Variants in FOXO3 observed in about 807,000 individuals in gnomAD.
The protein encoded by FOXO3 is forkhead box O3.
Under a neutral mutation model 41.9 loss-of-function variants are expected in FOXO3, and 4 were observed. The observed-to-expected ratio is 0.10, with a 90% confidence interval of 0.05 to 0.22. FOXO3 has a LOEUF of 0.22. Among genes scored for constraint, FOXO3 ranks in the 10% least tolerant of loss-of-function variants. The pLI is 1.00. For synonymous variants in FOXO3, 318 were observed against 389.3 expected (o/e 0.82, Z 2.16); for missense variants, 534 against 906.8 (o/e 0.59, Z 5.28).
intron 1 of FOXO3, among the ~76,000 whole-genome samples, chr6:108,636,712 A>G (rs907552476): frequency 3.3e-5 from 5 of 152,072 alleles, no homozygotes; most frequent in African/African-American, 1.2e-4. Context: ...AGAATAAGGG[A>G]CCTTCCTTTG....
intron 1 of FOXO3, among the ~76,000 whole-genome samples, chr6:108,624,312 TAA>T: frequency 7.0e-6 from 1 of 142,260 alleles, no homozygotes; most frequent in East Asian, 2.0e-4. Flanking sequence ...GAATAATGGT[TAA>T]AAAAAAAAAA....
intron 1 of FOXO3, among the ~76,000 whole-genome samples, chr6:108,562,769 G>A (rs1313354695): frequency 1.3e-5 from 2 of 152,204 alleles, no homozygotes; most frequent in East Asian, 3.9e-4. Context: ...GGTAGGGAGA[G>A]AGGTGTGGAA....
At chr6:108,598,838 A>G (rs1337315315) in intron 1 of FOXO3, among the ~76,000 whole-genome samples, 1 of 152,092 alleles carries the variant, frequency 6.6e-6, no homozygotes, top group Non-Finnish European at 1.5e-5. Flanking sequence ...TAACTCCTTG[A>G]CCTGGTGGTC....
chr6:108,647,672 C>T (rs187406783), intron 1 of FOXO3, among the ~76,000 whole-genome samples: 8 of 152,242 alleles, frequency 5.3e-5, no homozygotes. Flanking sequence ...TGTCCGTGAA[C>T]ACCATAGTGA....
intron 1 of FOXO3, among the ~76,000 whole-genome samples, chr6:108,650,929 A>G (rs1232003487): frequency 6.6e-6 from 1 of 152,172 alleles, no homozygotes; most frequent in African/African-American, 2.4e-5. Flanking sequence ...AGCATTTCAT[A>G]ATACCATTAT....
At chr6:108,593,195 C>T (rs1367667841) in intron 1 of FOXO3, among the ~76,000 whole-genome samples, 2 of 151,960 alleles carry the variant, frequency 1.3e-5, no homozygotes, top group Admixed American at 1.3e-4. Flanking sequence ...ACAAGATGTT[C>T]TTTTATTTCC....
chr6:108,618,269 G>A (rs1435602999), intron 1 of FOXO3: 3 of 752,970 alleles, frequency 4.0e-6, no homozygotes, highest in African/African-American at 3.4e-5. Context: ...TCCTTCCTGG[G>A]GCTTTTTGTC....
In FOXO3 at chr6:108,571,773, T is replaced by C. The variant is rs544014296; in HGVS notation, c.621+9944T>C. ...TGAGAAAGAATGAATTTTTGTTGTT[T>C]TAAGCCCTGAAATTCATGGTAATTC... On this transcript the variant is annotated intron_variant, in intron 1 of 2. Transcript: ENST00000406360. Among the ~76,000 whole-genome samples the C allele has an allele frequency of 2.6e-5, 4 of 152,312 alleles. No individual in the cohort carries two copies. The East Asian group carries it at 5.8e-4, about 22-fold the overall frequency.
In FOXO3 at chr6:108,561,148, C is replaced by G. The variant is rs897186339; in HGVS notation, c.-61C>G. 3 of 1,492,006 alleles carry G rather than the reference C, an allele frequency of 2.0e-6. No homozygotes were observed. The highest frequency in any genetic ancestry group is 4.3e-5 in the Admixed American group (2 of 46,196). 92.4% of individuals were successfully genotyped at this position (1,492,006 alleles called of 1,614,324 possible). A position where few individuals can be genotyped will look rare whatever the true frequency, so the allele number is the denominator to read the frequency against. ...GCGTCCACGTCCCTCCCCCGCTGCA[C>G]CCCGCCCCGGCGCGAGAGGAGAGCG... On this transcript the variant is annotated 5_prime_UTR_variant, in exon 1 of 3. Transcript: ENST00000406360.
intron 1 of FOXO3, among the ~76,000 whole-genome samples, chr6:108,579,121 C>G (rs888790217): frequency 5.3e-5 from 8 of 152,066 alleles, no homozygotes; most frequent in African/African-American, 1.7e-4. Flanking sequence ...GCCTGAGATT[C>G]ATAAACACTA....
chr6:108,572,724 C>T (rs1562228839), intron 1 of FOXO3, among the ~76,000 whole-genome samples: 1 of 152,112 alleles, frequency 6.6e-6, no homozygotes, highest in East Asian at 1.9e-4. Flanking sequence ...CCTATTTATA[C>T]TAATAATGAC....
chr6:108,681,751 A>G lies in FOXO3; in HGVS notation c.*1959A>G, dbSNP rs1456099720. On this transcript the variant is annotated 3_prime_UTR_variant, in exon 3 of 3. Transcript: ENST00000406360. ...TGTTTATAATCTTCATTTTTAAAGT[A>G]TGTGTAATTTTTTTAAGTATGTATT... 6.6e-6 allele frequency: 1 copy of G among 152,532 alleles called. No individual in the cohort carries two copies. Among genetic ancestry groups the G allele is most frequent in the Non-Finnish European group, 1.5e-5 (1 of 68,050 alleles). 9.4% of individuals were successfully genotyped at this position (152,532 alleles called of 1,614,324 possible). A position where few individuals can be genotyped will look rare whatever the true frequency, so the allele number is the denominator to read the frequency against.
At chr6:108,678,876 T>TC (rs1291854991) in intron 2 of FOXO3, among the ~76,000 whole-genome samples, 1 of 80,004 alleles carries the variant, frequency 1.2e-5, no homozygotes, top group Non-Finnish European at 3.5e-5. Context: ...ATTCTTTTTT[T>TC]TTTTTTTTTT....
intron 1 of FOXO3, among the ~76,000 whole-genome samples, chr6:108,593,543 C>T (rs946293861): frequency 6.6e-6 from 1 of 150,666 alleles, no homozygotes; most frequent in Non-Finnish European, 1.5e-5. Context: ...ATACCCAGCT[C>T]ATTTTTATAT....
At chr6:108,628,754 C>G (rs1271719626) in intron 1 of FOXO3, among the ~76,000 whole-genome samples, 1 of 152,124 alleles carries the variant, frequency 6.6e-6, no homozygotes, top group Non-Finnish European at 1.5e-5. Flanking sequence ...AGACAGTACT[C>G]TACCCTGGGA....
intron 1 of FOXO3, among the ~76,000 whole-genome samples, chr6:108,626,591 G>A (rs1384141397): frequency 6.8e-6 from 1 of 147,730 alleles, no homozygotes; most frequent in Non-Finnish European, 1.5e-5. Context: ...AGATTATTTT[G>A]TTTCCAAGAA....
At chr6:108,562,028 G>A (rs970616584) in intron 1 of FOXO3, among the ~76,000 whole-genome samples, 199 bp downstream of exon 1, 1 of 152,106 alleles carries the variant, frequency 6.6e-6, no homozygotes, top group African/African-American at 2.4e-5. Flanking sequence ...GGGTGAATGA[G>A]GCTCCCCAGA....
At chr6:108,678,866 A>ATTTTTTTT (rs1770724993) in intron 2 of FOXO3, among the ~76,000 whole-genome samples, 14 of 70,628 alleles carry the variant, frequency 2.0e-4, no homozygotes, top group Non-Finnish European at 4.9e-4. Flanking sequence ...CATTTCTTAA[A>ATTTTTTTT]TTCTTTTTTT....
At chr6:108,633,150 T>C (rs1162485887) in intron 1 of FOXO3, among the ~76,000 whole-genome samples, 1 of 152,212 alleles carries the variant, frequency 6.6e-6, no homozygotes, top group Non-Finnish European at 1.5e-5. Context: ...TGCTTGATAC[T>C]CAGTGCTCCA....
Sources: allele counts gnomAD v4.1 joint callset (sites outside exome capture counted in the v4.1 genomes callset), GRCh38; gene constraint gnomAD v4.1.1; transcripts MANE v1.5; gene names NCBI Gene and HGNC (gene_info 2026-07-23, HGNC 2026-07-21).